The following ABCC9 variants were observed in gnomAD, a reference collection of about 807,000 sequenced individuals.
ABCC9 encodes ATP-binding cassette sub-family C member 9.
ABCC9 carries 95 observed loss-of-function variants against 188.3 expected under a neutral mutation model. The ratio of observed to expected loss-of-function variants is 0.50; its 90% CI spans 0.43 to 0.60. The LOEUF (loss-of-function observed/expected upper bound fraction) is 0.60. Among genes scored for constraint, ABCC9 ranks in the 20% least tolerant of loss-of-function variants. The pLI is 0.00. For missense variants in ABCC9, 1,102 were observed against 1,876.3 expected, an observed-to-expected ratio of 0.59 and a Z score of 7.62; for synonymous variants, 659 against 652.7, an observed-to-expected ratio of 1.01 and a Z score of -0.15.
intron 16 of ABCC9, among the ~76,000 whole-genome samples, chr12:21,882,304 G>T (rs1414051622): frequency 1.3e-5 from 2 of 152,138 alleles, no homozygotes; most frequent in African/African-American, 4.8e-5. Context: ...AATGCCTGGG[G>T]AGAGTCCAAA....
intron 7 of ABCC9, among the ~76,000 whole-genome samples, chr12:21,913,824 T>C (rs1948427149): frequency 6.6e-6 from 1 of 152,156 alleles, no homozygotes. Flanking sequence ...GACAAGGAAG[T>C]CAACTCACTA....
intron 24 of ABCC9, among the ~76,000 whole-genome samples, chr12:21,849,373 T>C (rs1470220980): frequency 2.0e-5 from 3 of 152,166 alleles, no homozygotes; most frequent in Non-Finnish European, 4.4e-5. Flanking sequence ...AAATGTCTCC[T>C]GAATCCCATT....
intron 28 of ABCC9, among the ~76,000 whole-genome samples, chr12:21,843,838 T>C (rs1314126209): frequency 6.6e-6 from 1 of 152,198 alleles, no homozygotes; most frequent in Non-Finnish European, 1.5e-5. Context: ...CTCTTTCTAA[T>C]TGAGGGCCAT....
rs569812457 is a variant in ABCC9 at position 21,825,560 on chromosome 12, G to A, written c.3669+3398C>T. Among the ~76,000 whole-genome samples the A allele has an allele frequency of 2.0e-5, 3 of 151,208 alleles. No individual in the cohort carries two copies. In the East Asian group the frequency reaches 5.9e-4, roughly 30 times the overall value. ...ACACAGGAACAGAAAACCAAACATC[G>A]CATGTTCTCACTCATAAGTGGGAGT... On this transcript the variant is annotated intron_variant, in intron 31 of 39. Transcript: ENST00000261200.
chr12:21,875,075 A>G (rs772676363), intron 17 of ABCC9, among the ~76,000 whole-genome samples: 1 of 71,060 alleles, frequency 1.4e-5, no homozygotes, highest in Non-Finnish European at 2.7e-5. Context: ...CTTCCCACAA[A>G]AAATAAAATA....
At chr12:21,874,970 C>A (rs1475239719) in intron 17 of ABCC9, among the ~76,000 whole-genome samples, 2 of 152,112 alleles carry the variant, frequency 1.3e-5, no homozygotes, top group Non-Finnish European at 2.9e-5. Context: ...TGAATAAGTT[C>A]TAGAAATCTG....
At chr12:21,849,222 C>G (rs1944840851) in intron 24 of ABCC9, among the ~76,000 whole-genome samples, 1 of 151,988 alleles carries the variant, frequency 6.6e-6, no homozygotes, top group Non-Finnish European at 1.5e-5. Context: ...CATCAAAAAA[C>G]CAATAAACCT....
chr12:21,842,523 T>A (rs1348425531), intron 28 of ABCC9, 52 bp from the exon 29 acceptor site: 1 of 1,576,380 alleles, frequency 6.3e-7, no homozygotes, highest in African/African-American at 1.4e-5. Flanking sequence ...AAATATTGGC[T>A]GCAATGTAAC....
chr12:21,919,398 C>T (rs1448086765), intron 5 of ABCC9, among the ~76,000 whole-genome samples: 1 of 151,800 alleles, frequency 6.6e-6, no homozygotes, highest in African/African-American at 2.4e-5. Context: ...TCATGAATAA[C>T]ATTATGACAA....
intron 16 of ABCC9, among the ~76,000 whole-genome samples, chr12:21,876,757 C>T (rs567855527): frequency 1.3e-5 from 2 of 152,288 alleles, no homozygotes; most frequent in South Asian, 4.1e-4. Context: ...ACACTTTGCT[C>T]ATAAACTAAT....
At chr12:21,865,430 A>G (rs1006669703) in intron 18 of ABCC9, among the ~76,000 whole-genome samples, 1 of 152,146 alleles carries the variant, frequency 6.6e-6, no homozygotes, top group East Asian at 1.9e-4. Context: ...CCCTGATTTA[A>G]GTTACTGATA....
At chr12:21,848,483 A>G (rs984970952) in intron 24 of ABCC9, among the ~76,000 whole-genome samples, 9 of 152,212 alleles carry the variant, frequency 5.9e-5, no homozygotes, top group Non-Finnish European at 1.3e-4. Context: ...AGGAAAAGCA[A>G]GAATGAGATG....
intron 21 of ABCC9, 25 bp from the exon 22 acceptor site, chr12:21,859,691 C>A (rs761383157): frequency 6.3e-7 from 1 of 1,595,680 alleles, no homozygotes. Flanking sequence ...CCCCCAAATA[C>A]CCATTTTTTA....
At chr12:21,875,810 C>A in intron 16 of ABCC9, 84 bp from the exon 17 acceptor site, 4 of 1,128,834 alleles carry the variant, frequency 3.5e-6, no homozygotes, top group South Asian at 1.3e-5. Context: ...GTAGGCCAGG[C>A]GCAGTGGCTC....
intron 37 of ABCC9, 52 bp downstream of exon 37, chr12:21,809,799 AT>A: frequency 9.7e-7 from 1 of 1,027,552 alleles, no homozygotes; most frequent in Non-Finnish European, 1.5e-6. Flanking sequence ...AGATAGACAT[AT>A]GTAGGATTAA....
At chr12:21,849,440 T>G (rs761685640) in intron 24 of ABCC9, among the ~76,000 whole-genome samples, 1 of 152,140 alleles carries the variant, frequency 6.6e-6, no homozygotes, top group Non-Finnish European at 1.5e-5. Context: ...AAGACCAACA[T>G]TTATAAATGA....
intron 12 of ABCC9, among the ~76,000 whole-genome samples, chr12:21,900,652 A>G (rs1947694474): frequency 6.6e-6 from 1 of 152,224 alleles, no homozygotes; most frequent in Non-Finnish European, 1.5e-5. Context: ...CACCAGAACT[A>G]CATGACGCAT....
intron 37 of ABCC9, among the ~76,000 whole-genome samples, chr12:21,808,128 T>G (rs1941985113): frequency 1.3e-5 from 2 of 152,142 alleles, no homozygotes; most frequent in African/African-American, 4.8e-5. Flanking sequence ...AATGTCTTTT[T>G]TATTAGAATT....
chr12:21,921,629 G>T (rs1414555317), intron 5 of ABCC9, among the ~76,000 whole-genome samples: 1 of 151,904 alleles, frequency 6.6e-6, no homozygotes, highest in African/African-American at 2.4e-5. Context: ...GAGGGGTGTT[G>T]CTCAAGAAAT....
Sources: gnomAD v4.1 joint callset for allele counts (sites outside exome capture counted in the v4.1 genomes callset) on GRCh38, gnomAD v4.1.1 for gene constraint, MANE v1.5 for transcripts, NCBI Gene and HGNC (gene_info 2026-07-23, HGNC 2026-07-21) for gene names.